The following AGPAT3 variants were observed in gnomAD, a reference collection of about 807,000 sequenced individuals.
The protein encoded by AGPAT3 is 1-acylglycerol-3-phosphate O-acyltransferase 3.
AGPAT3 carries 5 observed loss-of-function variants against 47.3 expected under a neutral mutation model. That is an observed-to-expected ratio of 0.11 (90% CI 0.06 to 0.22). The LOEUF is 0.22. Among genes scored for constraint, AGPAT3 ranks in the 10% least tolerant of loss-of-function variants. AGPAT3 has a pLI of 1.00. For synonymous variants in AGPAT3, 212 were observed against 208.3 expected (o/e 1.02, Z -0.15); for missense variants, 315 against 493.0 (o/e 0.64, Z 3.42).
intron 1 of AGPAT3, chr21:43,882,663 G>A (rs1015932811): frequency 6.6e-6 from 1 of 152,362 alleles, no homozygotes; most frequent in Non-Finnish European, 1.5e-5. Flanking sequence ...AGAACCAGCA[G>A]TGCCTTCCAT....
intron 2 of AGPAT3, among the ~76,000 whole-genome samples, chr21:43,944,139 A>T (rs1216200363): frequency 6.6e-6 from 1 of 152,230 alleles, no homozygotes; most frequent in Non-Finnish European, 1.5e-5. Context: ...CACGTGTGCT[A>T]GGGCCCCAGC....
intron 1 of AGPAT3, among the ~76,000 whole-genome samples, chr21:43,887,050 C>T (rs1016756141): frequency 1.2e-4 from 19 of 152,340 alleles, no homozygotes; most frequent in South Asian, 4.1e-4. Flanking sequence ...TACTAACTCA[C>T]ATTCCCACCA....
chr21:43,955,740 T>C lies in AGPAT3; in HGVS notation c.-48-3894T>C, dbSNP rs2088420819. 1.3e-5 allele frequency among the ~76,000 whole-genome samples: 2 copies of C among 151,878 alleles called. No individual in the cohort carries two copies. Among genetic ancestry groups the C allele is most frequent in the African/African-American group, 4.8e-5 (2 of 41,404 alleles). On this transcript the variant is annotated intron_variant, in intron 2 of 9. Transcript: ENST00000291572. The surrounding 1 kb of genome is among the most constrained non-coding windows in gnomAD (Gnocchi z 4.1). Reference sequence around the variant, plus strand: ...GGCCAACATGGCGAAACCCCATCTCTACTAAACATACAAAAATTTGCTGGA... The same window carrying C: ...GGCCAACATGGCGAAACCCCATCTCCACTAAACATACAAAAATTTGCTGGA...
chr21:43,969,090 C>T, intron 4 of AGPAT3, 28 bp from the exon 5 acceptor site: 1 of 1,612,288 alleles, frequency 6.2e-7, no homozygotes, highest in Non-Finnish European at 8.5e-7. Flanking sequence ...GCTGAAGTGC[C>T]AGGTGCCCCT....
At chr21:43,969,027 C>A in intron 4 of AGPAT3, 91 bp from the exon 5 acceptor site, 2 of 1,403,998 alleles carry the variant, frequency 1.4e-6, no homozygotes, top group Non-Finnish European at 2.0e-6. Flanking sequence ...AGCGACACCA[C>A]ACAGGAGCTG....
At chr21:43,878,781 C>T (rs1025726794) in intron 1 of AGPAT3, among the ~76,000 whole-genome samples, 1 of 149,984 alleles carries the variant, frequency 6.7e-6, no homozygotes, top group Admixed American at 6.6e-5. Flanking sequence ...GTTGCCCAGA[C>T]GGGAGTGCAG....
Position 43,866,407 on chromosome 21 carries a change from C to G in AGPAT3, c.-112+1062C>G, listed in dbSNP as rs555870123. On this transcript the variant is annotated intron_variant, in intron 1 of 9. Coordinates refer to ENST00000291572, the MANE Select transcript of AGPAT3 (RefSeq NM_020132.5). ...CTGGGAGGTGGGGCGGGCGGCGGGCCCAGGCTGCTAGAGGGACCCAGGATC... is the reference window on the plus strand; with the variant it reads ...CTGGGAGGTGGGGCGGGCGGCGGGCGCAGGCTGCTAGAGGGACCCAGGATC... 9.9e-4 allele frequency among the ~76,000 whole-genome samples: 150 copies of G among 152,188 alleles called. No individual in the cohort carries two copies. The Middle Eastern group carries it at 0.01, about 10-fold the overall frequency.
intron 4 of AGPAT3, 45 bp downstream of exon 4, chr21:43,968,160 C>G (rs374626224): frequency 1.8e-6 from 2 of 1,108,660 alleles, no homozygotes; most frequent in South Asian, 2.0e-5. Flanking sequence ...AGGAGGGTCC[C>G]GGGGAGGGCC....
intron 2 of AGPAT3, among the ~76,000 whole-genome samples, chr21:43,911,537 A>G (rs963809977): frequency 6.6e-6 from 1 of 152,202 alleles, no homozygotes; most frequent in Admixed American, 6.5e-5. Context: ...GCCTCGCTGG[A>G]AGGCAGACTT....
rs1466893095 is a variant in AGPAT3, at chr21:43,930,806, C to T, written c.-49+26787C>T. The stretch of plus-strand genomic sequence containing the variant: ...GCTCCTCACGGTGGCCGGGGTGGCC[C>T]ACGGCAGGCCAGTGTGCGGTCCTCA... On this transcript the variant is annotated intron_variant, in intron 2 of 9. Coordinates refer to ENST00000291572, the MANE Select transcript of AGPAT3 (RefSeq NM_020132.5). This position sits in a 1 kb window ranked among gnomAD's most constrained non-coding sequence, Gnocchi z 5.0. 6.6e-6 allele frequency among the ~76,000 whole-genome samples: 1 copy of T among 152,084 alleles called. No homozygotes were observed. Among genetic ancestry groups the T allele is most frequent in the Non-Finnish European group, 1.5e-5 (1 of 67,988 alleles).
intron 1 of AGPAT3, among the ~76,000 whole-genome samples, chr21:43,903,111 G>C (rs531158201): frequency 4.7e-4 from 71 of 152,346 alleles, no homozygotes; most frequent in Non-Finnish European, 7.9e-4. Flanking sequence ...CTGCCACCAA[G>C]TGGGTGAGCT....
chr21:43,918,717 C>G (rs1456962088), intron 2 of AGPAT3, among the ~76,000 whole-genome samples: 1 of 151,636 alleles, frequency 6.6e-6, no homozygotes, highest in Non-Finnish European at 1.5e-5. Context: ...GCTGGAATTA[C>G]AGGCGTGCGC....
At chr21:43,943,718 C>T (rs886746390) in intron 2 of AGPAT3, among the ~76,000 whole-genome samples, 3 of 151,624 alleles carry the variant, frequency 2.0e-5, no homozygotes, top group East Asian at 1.9e-4. Flanking sequence ...GCTGCACCCC[C>T]GGGAGGGGAG....
At chr21:43,915,911 TGTAAA>T (rs1436086960) in intron 2 of AGPAT3, among the ~76,000 whole-genome samples, 4 of 152,202 alleles carry the variant, frequency 2.6e-5, no homozygotes, top group Admixed American at 1.3e-4. Context: ...TTTCTAAAGA[TGTAAA>T]GTAATCAATG....
At chr21:43,890,571 C>A (rs903240750) in intron 1 of AGPAT3, among the ~76,000 whole-genome samples, 2 of 151,850 alleles carry the variant, frequency 1.3e-5, no homozygotes, top group African/African-American at 4.8e-5. Context: ...AGCCACCATG[C>A]CTGGCTCATT....
At chr21:43,962,124 C>G (rs2088901593) in intron 3 of AGPAT3, among the ~76,000 whole-genome samples, 1 of 151,902 alleles carries the variant, frequency 6.6e-6, no homozygotes, top group Admixed American at 6.6e-5. Context: ...CCTCAGCCTC[C>G]CGAGTAGCTG....
chr21:43,969,312 G>A, intron 5 of AGPAT3, 33 bp downstream of exon 5: 1 of 1,609,984 alleles, frequency 6.2e-7, no homozygotes, highest in East Asian at 2.2e-5. Context: ...TACCCTGCAT[G>A]CCTGGAGGAG....
rs1347210820 is a variant in AGPAT3, at chr21:43,908,756, G to A, written c.-49+4737G>A. 2.0e-5 allele frequency among the ~76,000 whole-genome samples: 3 copies of A among 152,234 alleles called. No homozygotes were observed. The highest frequency in any genetic ancestry group is 7.2e-5 in the African/African-American group (3 of 41,456). Reference sequence around the variant, plus strand: ...CTGATGAGGGCGAGGATCAAAGCCCGTGCTGCGTCAGCGTGGTGGCCTGCC... The same window carrying A: ...CTGATGAGGGCGAGGATCAAAGCCCATGCTGCGTCAGCGTGGTGGCCTGCC... On this transcript the variant is annotated intron_variant, in intron 2 of 9. Coordinates refer to ENST00000291572, the MANE Select transcript of AGPAT3 (RefSeq NM_020132.5). The surrounding 1 kb of genome is among the most constrained non-coding windows in gnomAD (Gnocchi z 4.9).
At position 43,952,047 on chromosome 21, in the gene AGPAT3, G is replaced by C. The variant is rs888822520; in HGVS notation, c.-48-7587G>C. On this transcript the variant is annotated intron_variant, in intron 2 of 9. Coordinates refer to ENST00000291572, the MANE Select transcript of AGPAT3 (RefSeq NM_020132.5). The surrounding 1 kb of genome is among the most constrained non-coding windows in gnomAD (Gnocchi z 5.6). ...ATGCTGCAGCGAAGGACCTGGGGCAGGCAGGGGGTGGGCTGGATGGCGGAA... is the reference window on the plus strand; with the variant it reads ...ATGCTGCAGCGAAGGACCTGGGGCACGCAGGGGGTGGGCTGGATGGCGGAA... Among the ~76,000 whole-genome samples the C allele has an allele frequency of 1.3e-5, 2 of 152,112 alleles. No homozygotes were observed. Among genetic ancestry groups the C allele is most frequent in the Non-Finnish European group, 2.9e-5 (2 of 68,010 alleles).
Sources: gnomAD v4.1 joint callset for allele counts (sites outside exome capture counted in the v4.1 genomes callset) on GRCh38, gnomAD v4.1.1 for gene constraint, Gnocchi (gnomAD v3.1) non-coding constraint, MANE v1.5 for transcripts, NCBI Gene and HGNC (gene_info 2026-07-23, HGNC 2026-07-21) for gene names.